Variants in GALNT13 observed in about 807,000 individuals in gnomAD.
The protein encoded by GALNT13 is polypeptide N-acetylgalactosaminyltransferase 13.
Under a neutral mutation model 64.2 loss-of-function variants are expected in GALNT13, and 28 were observed. The ratio of observed to expected loss-of-function variants is 0.44; its 90% confidence interval spans 0.32 to 0.60. The LOEUF is 0.60. Among genes scored for constraint, GALNT13 ranks in the 20% least tolerant of loss-of-function variants. The pLI, the probability that GALNT13 is intolerant of heterozygous loss-of-function variation, is 0.05. For missense variants in GALNT13, 577 were observed against 669.8 expected, an observed-to-expected ratio of 0.86 and a Z score of 1.53; for synonymous variants, 214 against 224.6, an observed-to-expected ratio of 0.95 and a Z score of 0.42.
chr2:154,342,397 C>G (rs892507996), intron 9 of GALNT13, among the ~76,000 whole-genome samples: 10 of 151,962 alleles, frequency 6.6e-5, no homozygotes, highest in African/African-American at 2.4e-4. Context: ...CTTAAATCTC[C>G]TCTAAATTTC....
chr2:154,089,812 CTTT>C (rs58287232), intron 3 of GALNT13, among the ~76,000 whole-genome samples: 5 of 140,966 alleles, frequency 3.5e-5, no homozygotes, highest in Non-Finnish European at 4.6e-5. Flanking sequence ...AGATATTACC[CTTT>C]TTTTTTTTTT....
chr2:153,685,539 A>T, the GALNT13 span, among the ~76,000 whole-genome samples: 1 of 151,950 alleles, frequency 6.6e-6, no homozygotes, highest in African/African-American at 2.4e-5. Context: ...AATTTGTTTA[A>T]GTTCCTTATA....
chr2:154,045,207 A>T (rs1332177227), intron 3 of GALNT13, among the ~76,000 whole-genome samples: 1 of 152,184 alleles, frequency 6.6e-6, no homozygotes, highest in African/African-American at 2.4e-5. Flanking sequence ...AGGAAGATGA[A>T]ATTACACAAT....
Position 154,104,584 on chromosome 2 carries a change from C to T in GALNT13, c.143-35753C>T, listed in dbSNP as rs114348057. ...GCCTATCCTCTGGGACAAAACAATGCTCCCCTCTTTTGAAGACTTGGACTT... is the reference window on the plus strand; with the variant it reads ...GCCTATCCTCTGGGACAAAACAATGTTCCCCTCTTTTGAAGACTTGGACTT... On this transcript the variant is annotated intron_variant, in intron 3 of 12. Transcript: ENST00000392825. Among the ~76,000 whole-genome samples the T allele has an allele frequency of 2.4e-3, 372 of 152,324 alleles. 3 individuals carry two copies. Among genetic ancestry groups the T allele is most frequent in the African/African-American group, 8.1e-3 (338 of 41,590 alleles).
the GALNT13 span, among the ~76,000 whole-genome samples, chr2:153,365,048 A>C: frequency 1.7e-4 from 26 of 152,340 alleles, no homozygotes; most frequent in African/African-American, 6.0e-4. Flanking sequence ...ACAGACATAT[A>C]GATCAATGGA....
At chr2:153,374,861 T>G in the GALNT13 span, among the ~76,000 whole-genome samples, 1 of 152,192 alleles carries the variant, frequency 6.6e-6, no homozygotes, top group Non-Finnish European at 1.5e-5. Flanking sequence ...CCCTCACCTC[T>G]TCAGCATTAA....
At chr2:154,259,781 A>G (rs920160901) in intron 8 of GALNT13, among the ~76,000 whole-genome samples, 1 of 152,202 alleles carries the variant, frequency 6.6e-6, no homozygotes, top group African/African-American at 2.4e-5. Flanking sequence ...CTTTCATGCT[A>G]AGAAATTGAT....
chr2:153,478,165 T>C, the GALNT13 span: 5 of 1,264,864 alleles, frequency 4.0e-6, no homozygotes, highest in South Asian at 2.8e-5. Context: ...CAGTCTCTGA[T>C]AGTGAGGGGC....
intron 3 of GALNT13, among the ~76,000 whole-genome samples, chr2:153,965,660 T>C (rs747307441): frequency 4.6e-5 from 7 of 152,228 alleles, no homozygotes; most frequent in Non-Finnish European, 7.4e-5. Flanking sequence ...AAAGTTTTAA[T>C]TTCTTGGTAT....
chr2:154,170,721 C>T (rs1196992001), intron 4 of GALNT13, among the ~76,000 whole-genome samples: 1 of 152,044 alleles, frequency 6.6e-6, no homozygotes, highest in Non-Finnish European at 1.5e-5. Flanking sequence ...AATATACATG[C>T]TAAGTTATTG....
chr2:154,276,715 G>T (rs1454827730), intron 8 of GALNT13, among the ~76,000 whole-genome samples: 2 of 152,176 alleles, frequency 1.3e-5, no homozygotes, highest in African/African-American at 4.8e-5. Flanking sequence ...ATCTTGAATT[G>T]TAGTTCCCAT....
chr2:153,671,026 A>C, the GALNT13 span, among the ~76,000 whole-genome samples: 1 of 152,222 alleles, frequency 6.6e-6, no homozygotes, highest in Non-Finnish European at 1.5e-5. Flanking sequence ...AAATGAACAA[A>C]GCCTCCAAGA....
At chr2:154,329,295 G>A (rs1274230241) in intron 9 of GALNT13, among the ~76,000 whole-genome samples, 1 of 152,110 alleles carries the variant, frequency 6.6e-6, no homozygotes, top group Admixed American at 6.5e-5. Context: ...TAGAGACAGG[G>A]TTTCACCATA....
intron 9 of GALNT13, among the ~76,000 whole-genome samples, chr2:154,389,943 G>T (rs986373517): frequency 6.6e-6 from 1 of 152,144 alleles, no homozygotes; most frequent in Non-Finnish European, 1.5e-5. Flanking sequence ...CTGTCCAGAT[G>T]CAGTGATCTG....
intron 9 of GALNT13, among the ~76,000 whole-genome samples, chr2:154,336,831 G>A (rs1444477266): frequency 6.6e-6 from 1 of 151,942 alleles, no homozygotes; most frequent in Non-Finnish European, 1.5e-5. Context: ...TCTCTGCAGT[G>A]GGACTTCTTG....
chr2:153,452,461 G>T, the GALNT13 span, among the ~76,000 whole-genome samples: 1 of 151,746 alleles, frequency 6.6e-6, no homozygotes, highest in Non-Finnish European at 1.5e-5. Flanking sequence ...CTAGGAAACC[G>T]AGTGAGACTC....
chr2:153,543,770 C>T, the GALNT13 span, among the ~76,000 whole-genome samples: 3 of 152,204 alleles, frequency 2.0e-5, no homozygotes, highest in African/African-American at 7.2e-5. Flanking sequence ...ACTACTGACT[C>T]ATTTATATTC....
At chr2:153,533,548 C>A in the GALNT13 span, among the ~76,000 whole-genome samples, 4 of 151,714 alleles carry the variant, frequency 2.6e-5, no homozygotes, top group African/African-American at 9.7e-5. Context: ...CTATGCCTGG[C>A]CTGCTTGGTG....
chr2:153,099,420 CTCTCACTGT>C, the GALNT13 span, among the ~76,000 whole-genome samples: 1 of 152,110 alleles, frequency 6.6e-6, no homozygotes, highest in Non-Finnish European at 1.5e-5. Context: ...GTACACAAGA[CTCTCACTGT>C]TATGGAAAAG....
Sources: allele counts gnomAD v4.1 joint callset (sites outside exome capture counted in the v4.1 genomes callset), GRCh38; gene constraint gnomAD v4.1.1; transcripts MANE v1.5; gene names NCBI Gene and HGNC (gene_info 2026-07-23, HGNC 2026-07-21).